Variants in DOCK4 observed in about 807,000 individuals in gnomAD.
The protein encoded by DOCK4 is dedicator of cytokinesis protein 4.
DOCK4 carries 97 observed loss-of-function variants against 268.1 expected under a neutral mutation model. The ratio of observed to expected loss-of-function variants is 0.36; its 90% CI spans 0.31 to 0.43. The LOEUF (loss-of-function observed/expected upper bound fraction) is 0.43. Ranked by LOEUF, DOCK4 falls within the 20% of genes least tolerant of loss-of-function variation. DOCK4 has a pLI of 1.00. For synonymous variants in DOCK4, 954 were observed against 887.2 expected (o/e 1.08, Z -1.34); for missense variants, 2,145 against 2,455.7 (o/e 0.87, Z 2.67).
intron 1 of DOCK4, among the ~76,000 whole-genome samples, chr7:112,018,143 CAAAAAAAAAA>C (rs140883588): frequency 0.011 from 221 of 20,544 alleles, 3 homozygotes; most frequent in Middle Eastern, 0.062. Context: ...GACTCCAGCT[CAAAAAAAAAA>C]AAAAAAAAAA....
At chr7:112,206,001 A>G (rs1247285655) in intron 1 of DOCK4, 101 bp downstream of exon 1, 29 of 1,366,010 alleles carry the variant, frequency 2.1e-5, no homozygotes, top group South Asian at 7.5e-5. Flanking sequence ...AGGATTAGGC[A>G]TTTTCAACCG....
intron 4 of DOCK4, among the ~76,000 whole-genome samples, chr7:111,995,747 C>G (rs1799908181): frequency 6.6e-6 from 1 of 152,152 alleles, no homozygotes; most frequent in South Asian, 2.1e-4. Context: ...CATATGGAAA[C>G]TAAAATCTTG....
intron 23 of DOCK4, among the ~76,000 whole-genome samples, chr7:111,860,817 T>C (rs1586197379): frequency 6.6e-6 from 1 of 152,328 alleles, no homozygotes; most frequent in South Asian, 2.1e-4. Context: ...TCTGTGTATC[T>C]TTCTAGTCCT....
chr7:111,780,139 T>G (rs1585963359), intron 35 of DOCK4, among the ~76,000 whole-genome samples: 1 of 152,222 alleles, frequency 6.6e-6, no homozygotes, highest in East Asian at 1.9e-4. Flanking sequence ...GTACTTGGGC[T>G]TGAAGCCTGA....
chr7:111,936,286 CT>C (rs1242769551), intron 11 of DOCK4, among the ~76,000 whole-genome samples: 4 of 152,198 alleles, frequency 2.6e-5, no homozygotes, highest in Non-Finnish European at 5.9e-5. Flanking sequence ...CATGGGGCAT[CT>C]CTCCGTCTTT....
chr7:112,004,879 A>G (rs1046115928), intron 1 of DOCK4, among the ~76,000 whole-genome samples: 1 of 152,210 alleles, frequency 6.6e-6, no homozygotes, highest in Non-Finnish European at 1.5e-5. Flanking sequence ...GCAGGGCAGG[A>G]CAGGACTAGG....
intron 12 of DOCK4, among the ~76,000 whole-genome samples, chr7:111,924,524 T>C (rs558472583): frequency 2.0e-5 from 3 of 152,284 alleles, no homozygotes; most frequent in East Asian, 1.9e-4. Flanking sequence ...GAAAATGAGA[T>C]GTGATATAAG....
chr7:112,196,054 C>T (rs1820397155), intron 1 of DOCK4, among the ~76,000 whole-genome samples: 2 of 152,208 alleles, frequency 1.3e-5, no homozygotes. Flanking sequence ...TCGTTCATTG[C>T]TAAGTGACAG....
chr7:111,892,184 C>T lies in DOCK4; in HGVS notation c.1587+3428G>A, dbSNP rs1372804920. Reference sequence around the variant, plus strand: ...AATGTTCATCCGTATTTTTAAGGCTCGTACAGATTGATTATTGATTGATTG... The same window carrying T: ...AATGTTCATCCGTATTTTTAAGGCTTGTACAGATTGATTATTGATTGATTG... On this transcript the variant is annotated intron_variant, in intron 16 of 52. Coordinates refer to ENST00000428084, the MANE Select transcript of DOCK4 (RefSeq NM_001363540.2). Among the ~76,000 whole-genome samples the T allele has an allele frequency of 7.9e-5, 12 of 152,208 alleles. No individual in the cohort carries two copies. In the South Asian group the frequency reaches 1.2e-3, roughly 16 times the overall value.
rs748705336 is a variant in DOCK4 at position 111,790,453 on chromosome 7, C to A, written c.3315+4G>T. On this transcript the variant is annotated splice_donor_region_variant and intron_variant, in intron 31 of 52. Coordinates refer to ENST00000428084, the MANE Select transcript of DOCK4 (RefSeq NM_001363540.2). ...CAACTCTTCTGAGGAGCACTTCTGC[C>A]TACCTGTTTAAAGTTGCCACTCCGC... The A allele has an allele frequency of 1.2e-6, 2 of 1,613,308 alleles. No homozygotes were observed. The highest frequency in any genetic ancestry group is 1.7e-6 in the Non-Finnish European group (2 of 1,179,602).
chr7:111,776,208 G>A (rs1343101671), intron 36 of DOCK4, among the ~76,000 whole-genome samples: 1 of 152,136 alleles, frequency 6.6e-6, no homozygotes, highest in Admixed American at 6.5e-5. Context: ...ATGAAAAGAT[G>A]CCAACCCCAA....
At chr7:111,956,140 A>G (rs1796431504) in intron 8 of DOCK4, among the ~76,000 whole-genome samples, 1 of 152,192 alleles carries the variant, frequency 6.6e-6, no homozygotes, top group Non-Finnish European at 1.5e-5. Flanking sequence ...TAAACACTGT[A>G]TCTTTGACAT....
chr7:112,081,746 T>C (rs1430960484), intron 1 of DOCK4, among the ~76,000 whole-genome samples: 1 of 152,200 alleles, frequency 6.6e-6, no homozygotes, highest in African/African-American at 2.4e-5. Context: ...TTAAATAATT[T>C]ATTTGTAGCT....
At chr7:112,130,659 G>A (rs1813717970) in intron 1 of DOCK4, among the ~76,000 whole-genome samples, 1 of 152,194 alleles carries the variant, frequency 6.6e-6, no homozygotes, top group Non-Finnish European at 1.5e-5. Context: ...TACGCTCTGA[G>A]TATGTGCCTT....
chr7:112,139,395 C>T (rs1814676992), intron 1 of DOCK4, among the ~76,000 whole-genome samples: 1 of 152,210 alleles, frequency 6.6e-6, no homozygotes, highest in Non-Finnish European at 1.5e-5. Flanking sequence ...CCAGTAACCA[C>T]TAATCCCAAC....
intron 25 of DOCK4, among the ~76,000 whole-genome samples, chr7:111,840,216 T>G (rs1803573804): frequency 6.6e-6 from 1 of 152,192 alleles, no homozygotes; most frequent in South Asian, 2.1e-4. Flanking sequence ...CATACATTAT[T>G]TTTTTCCACA....
chr7:112,186,502 A>C (rs1026441482), intron 1 of DOCK4, among the ~76,000 whole-genome samples: 1 of 152,238 alleles, frequency 6.6e-6, no homozygotes, highest in Non-Finnish European at 1.5e-5. Context: ...AGTTGTCATG[A>C]GCACGGAATG....
chr7:112,155,026 T>G (rs1412495835), intron 1 of DOCK4, among the ~76,000 whole-genome samples: 1 of 152,218 alleles, frequency 6.6e-6, no homozygotes, highest in Non-Finnish European at 1.5e-5. Context: ...TCATTGAGTC[T>G]CTATTGACTT....
At chr7:111,895,813 A>T in intron 15 of DOCK4, 95 bp from the exon 16 acceptor site, 1 of 1,141,262 alleles carries the variant, frequency 8.8e-7, no homozygotes. Context: ...TAACTCATAC[A>T]CAACAGTTCC....
Sources: allele counts gnomAD v4.1 joint callset (sites outside exome capture counted in the v4.1 genomes callset), GRCh38; gene constraint gnomAD v4.1.1; transcripts MANE v1.5; gene names NCBI Gene and HGNC (gene_info 2026-07-23, HGNC 2026-07-21).